The following THSD7B variants were observed in gnomAD, a reference collection of about 807,000 sequenced individuals.
THSD7B encodes the protein thrombospondin type 1 domain containing 7B, also known as thrombospondin type-1 domain-containing protein 7B.
Under a neutral mutation model 213.6 loss-of-function variants are expected in THSD7B, and 138 were observed. The observed-to-expected ratio is 0.65, with a 90% CI of 0.56 to 0.74. THSD7B has a LOEUF of 0.74. THSD7B is among the 30% of genes least tolerant of loss of function. THSD7B has a pLI of 0.00. For synonymous variants in THSD7B, 742 were observed against 687.0 expected (o/e 1.08, Z -1.25); for missense variants, 1,931 against 1,991.5 (o/e 0.97, Z 0.58).
chr2:137,499,480 A>G (rs988395396), intron 15 of THSD7B, among the ~76,000 whole-genome samples: 6 of 152,202 alleles, frequency 3.9e-5, no homozygotes, highest in Non-Finnish European at 8.8e-5. Flanking sequence ...ACATTTCGTT[A>G]TGTTCCCATT....
chr2:137,056,711 G>T lies in THSD7B; in HGVS notation c.431G>T (p.Arg144Leu), dbSNP rs147127072. ...CATGGACTGCAGCACCGGATGGTGC[G>T]CTGCATTCAGAAGCTGAACCGAACT... ...AQHGLQHRMV[R>L]CIQKLNRTVV... Residue 144 changes from arginine (R) to leucine (L), a missense_variant, in exon 3 of 28, where the codon CGC becomes CTC. Arg to Leu is a moderately radical substitution (Grantham distance 102). Transcript: ENST00000409968. 694 of 1,613,942 alleles carry T rather than the reference G, an allele frequency of 4.3e-4. 5 individuals carry two copies. In the South Asian group the frequency reaches 4.7e-3, roughly 11 times the overall value.
At chr2:136,929,827 C>A (rs1003070619) in intron 2 of THSD7B, among the ~76,000 whole-genome samples, 2 of 152,136 alleles carry the variant, frequency 1.3e-5, no homozygotes, top group African/African-American at 4.8e-5. Flanking sequence ...CAGTTTCTGA[C>A]TCCTGTGTCG....
intron 2 of THSD7B, among the ~76,000 whole-genome samples, chr2:137,002,200 C>G (rs1335202011): frequency 6.6e-6 from 1 of 152,168 alleles, no homozygotes; most frequent in Non-Finnish European, 1.5e-5. Context: ...GAAGTTCCTC[C>G]TCAGAATTAT....
intron 2 of THSD7B, among the ~76,000 whole-genome samples, chr2:136,961,466 T>G (rs1256149904): frequency 6.6e-6 from 1 of 152,046 alleles, no homozygotes; most frequent in Non-Finnish European, 1.5e-5. Flanking sequence ...GTGATCTGCC[T>G]GCCTCAGCCT....
chr2:136,929,859 T>G (rs1215589998), intron 2 of THSD7B, among the ~76,000 whole-genome samples: 1 of 152,202 alleles, frequency 6.6e-6, no homozygotes, highest in African/African-American at 2.4e-5. Flanking sequence ...GAAGATGACC[T>G]TTATGCAGTA....
intron 14 of THSD7B, among the ~76,000 whole-genome samples, chr2:137,428,659 C>T (rs1387764769): frequency 1.3e-5 from 2 of 152,128 alleles, no homozygotes; most frequent in Non-Finnish European, 2.9e-5. Flanking sequence ...ATCTTGACCT[C>T]ACTATACTAG....
rs75235042 is a variant in THSD7B at position 137,201,648 on chromosome 2, T to G, written c.1724-29396T>G. Among the ~76,000 whole-genome samples, 355 of 152,240 alleles carry G rather than the reference T, an allele frequency of 2.3e-3. 1 individual carries two copies. The highest frequency in any genetic ancestry group is 8.3e-3 in the African/African-American group (344 of 41,550). ...AAACCAAACCCCAGTGCAGAATTGT[T>G]GTATCATATGGTGAGCACATGGCCA... On this transcript the variant is annotated intron_variant, in intron 7 of 27. Transcript: ENST00000409968.
Position 137,270,809 on chromosome 2 carries a change from G to T in THSD7B, c.2267-1724G>T, listed in dbSNP as rs1238887699. Among the ~76,000 whole-genome samples, 7 of 152,134 alleles carry T rather than the reference G, an allele frequency of 4.6e-5. No homozygotes were observed. In the East Asian group the frequency reaches 1.4e-3, roughly 29 times the overall value. ...AAAACATCATTATAAAAGATTGAAA[G>T]ATGGTACAAAGTAAATTGTCAATTA... is the stretch of plus-strand genomic sequence containing the variant. On this transcript the variant is annotated intron_variant, in intron 10 of 27. Coordinates refer to ENST00000409968, the MANE Select transcript of THSD7B (RefSeq NM_001316349.2).
chr2:137,288,912 A>G (rs1683250382), intron 12 of THSD7B, among the ~76,000 whole-genome samples: 1 of 152,044 alleles, frequency 6.6e-6, no homozygotes, highest in Non-Finnish European at 1.5e-5. Context: ...GGTGTGATGA[A>G]AAGGATGCTC....
At chr2:137,271,631 G>A (rs539614022) in intron 10 of THSD7B, among the ~76,000 whole-genome samples, 1 of 151,474 alleles carries the variant, frequency 6.6e-6, no homozygotes, top group East Asian at 1.9e-4. Context: ...TACCCACCTA[G>A]CACCGTGTCA....
chr2:137,355,757 A>G (rs1685112106), intron 12 of THSD7B, among the ~76,000 whole-genome samples: 1 of 152,160 alleles, frequency 6.6e-6, no homozygotes, highest in South Asian at 2.1e-4. Flanking sequence ...AGCTATTTGG[A>G]ATTGGAAAGT....
At chr2:136,788,898 C>T (rs756765972) in intron 1 of THSD7B, among the ~76,000 whole-genome samples, 9 of 152,058 alleles carry the variant, frequency 5.9e-5, no homozygotes, top group Non-Finnish European at 1.3e-4. Context: ...TTCAGCAGAT[C>T]ATTTTGTTAT....
At chr2:137,184,095 C>G (rs971660878) in intron 7 of THSD7B, among the ~76,000 whole-genome samples, 5 of 152,110 alleles carry the variant, frequency 3.3e-5, no homozygotes, top group African/African-American at 1.2e-4. Flanking sequence ...AATCCAAGAT[C>G]AAGGAAATAG....
chr2:137,447,988 G>A (rs1687574146), intron 14 of THSD7B, among the ~76,000 whole-genome samples: 1 of 152,144 alleles, frequency 6.6e-6, no homozygotes, highest in Non-Finnish European at 1.5e-5. Flanking sequence ...GAAACTGAAG[G>A]AGTCTCATCC....
chr2:137,409,917 G>T (rs920997681), intron 13 of THSD7B, among the ~76,000 whole-genome samples: 2 of 152,140 alleles, frequency 1.3e-5, no homozygotes, highest in African/African-American at 2.4e-5. Context: ...TCTTGTTTTT[G>T]TTGTTGTTTG....
intron 15 of THSD7B, among the ~76,000 whole-genome samples, chr2:137,525,022 G>A (rs1410031217): frequency 6.6e-6 from 1 of 152,126 alleles, no homozygotes; most frequent in African/African-American, 2.4e-5. Context: ...CGTTGTTGGT[G>A]TGCCTTTTTT....
At chr2:137,316,109 C>G (rs1008421381) in intron 12 of THSD7B, among the ~76,000 whole-genome samples, 3 of 152,180 alleles carry the variant, frequency 2.0e-5, no homozygotes, top group African/African-American at 7.2e-5. Flanking sequence ...CAGGATAGAT[C>G]TGGTGGAAAT....
chr2:137,355,833 T>C (rs1454309507), intron 12 of THSD7B, among the ~76,000 whole-genome samples: 2 of 152,168 alleles, frequency 1.3e-5, no homozygotes, highest in African/African-American at 4.8e-5. Context: ...AAGCCAACTG[T>C]AGAGTGTGTA....
At chr2:137,240,134 C>A (rs149037904) in intron 9 of THSD7B, among the ~76,000 whole-genome samples, 1 of 152,140 alleles carries the variant, frequency 6.6e-6, no homozygotes, top group African/African-American at 2.4e-5. Context: ...ATGACTTTGT[C>A]TCTTATTTCA....
Sources: gnomAD v4.1 joint callset for allele counts (sites outside exome capture counted in the v4.1 genomes callset) on GRCh38, gnomAD v4.1.1 for gene constraint, MANE v1.5 for transcripts, NCBI Gene and HGNC (gene_info 2026-07-23, HGNC 2026-07-21) for gene names.